ZNF99: variants seen among roughly 807,000 people sequenced by gnomAD.
ZNF99 encodes zinc finger protein ENSP00000375192.
Under a neutral mutation model 12.8 loss-of-function variants are expected in ZNF99, and 8 were observed. That is an observed-to-expected ratio of 0.62 (90% CI 0.37 to 1.13). The LOEUF (loss-of-function observed/expected upper bound fraction) is 1.13. Ranked by LOEUF, ZNF99 falls within the 50% of genes most tolerant of loss-of-function variation. The pLI, the probability that ZNF99 is intolerant of heterozygous loss-of-function variation, is 0.02. For missense variants in ZNF99, 1,007 were observed against 1,006.2 expected, an observed-to-expected ratio of 1.00 and a Z score of -0.01; for synonymous variants, 318 against 319.0, an observed-to-expected ratio of 1.00 and a Z score of 0.03.
At position 22,757,564 on chromosome 19, in the gene ZNF99, ATTATC is replaced by A. The variant is rs764420064; in HGVS notation, c.2340_2344del (p.Lys780AsnfsTer9). 95 of 1,610,882 alleles carry A rather than the reference ATTATC, an allele frequency of 5.9e-5. No individual in the cohort carries two copies. Among genetic ancestry groups the A allele is most frequent in the Non-Finnish European group, 7.3e-5 (86 of 1,179,602 alleles). On this transcript the variant is annotated frameshift_variant, in exon 4 of 4. Transcript: ENST00000596209. LOFTEE classifies it low-confidence loss of function (END_TRUNC). The stretch of plus-strand genomic sequence containing the variant: ...TTTATAGGGTTTCTTTCCAGTATGA[ATTATC>A]TTATGTTTTCTAAGGGCTGAGAAAT...
intron 3 of ZNF99, among the ~76,000 whole-genome samples, chr19:22,761,879 C>T (rs976784165): frequency 1.3e-5 from 2 of 152,100 alleles, no homozygotes; most frequent in African/African-American, 4.8e-5. Context: ...AAACCTGCTC[C>T]TGAATAATCA....
Position 22,756,137 on chromosome 19 carries a change from G to A in ZNF99, c.*1177C>T. The A allele has an allele frequency of 6.7e-7, 1 of 1,498,400 alleles. No homozygotes were observed. Among genetic ancestry groups the A allele is most frequent in the Non-Finnish European group, 9.0e-7 (1 of 1,111,568 alleles). 92.8% of individuals were successfully genotyped at this position (1,498,400 alleles called of 1,614,324 possible). On this transcript the variant is annotated 3_prime_UTR_variant, in exon 4 of 4. Coordinates refer to ENST00000596209, the MANE Select transcript of ZNF99 (RefSeq NM_001080409.3). The stretch of plus-strand genomic sequence containing the variant: ...TTCACATATGGAGGGTCTGTCTCTA[G>A]TATAAATTATCTTATGTGTATTAAG...
Position 22,759,439 on chromosome 19 carries a change from T to C in ZNF99, c.470A>G (p.Tyr157Cys), listed in dbSNP as rs759533071. The C allele has an allele frequency of 1.9e-6, 3 of 1,594,106 alleles. No homozygotes were observed. Among genetic ancestry groups the C allele is most frequent in the African/African-American group, 2.7e-5 (2 of 74,224 alleles). The change falls in exon 4 of 4, where the codon TAT becomes TGT. Residue 157 changes from tyrosine (Y) to cysteine (C), a missense_variant. Coordinates refer to ENST00000596209, the MANE Select transcript of ZNF99 (RefSeq NM_001080409.3). ...AATCTTATATCTATTTGAATTTGAATATTTATGAAAGACTTTCACATATTT... is the reference window on the plus strand; with the variant it reads ...AATCTTATATCTATTTGAATTTGAACATTTATGAAAGACTTTCACATATTT... ...CNKYVKVFHKYSNSNRYKIRH... is the reference protein window; with the variant it reads ...CNKYVKVFHKCSNSNRYKIRH...
At chr19:22,767,004 A>G (rs1321501803) in intron 3 of ZNF99, among the ~76,000 whole-genome samples, 3 of 151,864 alleles carry the variant, frequency 2.0e-5, no homozygotes, top group Non-Finnish European at 2.9e-5. Flanking sequence ...TACTTAATAA[A>G]AAGAAATGTA....
chr19:22,755,197 T>C lies in ZNF99; in HGVS notation c.*2117A>G. 3.6e-6 allele frequency: 1 copy of C among 276,852 alleles called. No homozygotes were observed. Among genetic ancestry groups the C allele is most frequent in the Non-Finnish European group, 7.3e-6 (1 of 137,364 alleles). 17.1% of individuals were successfully genotyped at this position (276,852 alleles called of 1,614,324 possible). A position where few individuals can be genotyped will look rare whatever the true frequency, so the allele number is the denominator to read the frequency against. ...CTGGCTAAAAGCATTGCCACTTTCT[T>C]CACATTTGTAGGGTTTTTCTCCAGT... On this transcript the variant is annotated 3_prime_UTR_variant, in exon 4 of 4. Coordinates refer to ENST00000596209, the MANE Select transcript of ZNF99 (RefSeq NM_001080409.3).
intron 1 of ZNF99, among the ~76,000 whole-genome samples, chr19:22,781,403 CTTTTTTTTTT>C (rs35970718): frequency 2.3e-5 from 2 of 87,946 alleles, no homozygotes; most frequent in Admixed American, 1.3e-4. Flanking sequence ...ATTGGGGTCA[CTTTTTTTTTT>C]TTTTTTTTTT....
At chr19:22,782,702 C>T (rs1394562166) in intron 1 of ZNF99, among the ~76,000 whole-genome samples, 3 of 126,098 alleles carry the variant, frequency 2.4e-5, no homozygotes, top group African/African-American at 9.3e-5. Flanking sequence ...GAGGGAGTCT[C>T]CCTCTCTTGC....
intron 3 of ZNF99, among the ~76,000 whole-genome samples, chr19:22,766,400 C>T (rs1180296836): frequency 6.7e-6 from 1 of 149,858 alleles, no homozygotes; most frequent in African/African-American, 2.5e-5. Flanking sequence ...AGTGCGGTGG[C>T]ACGATCTCAG....
intron 3 of ZNF99, among the ~76,000 whole-genome samples, chr19:22,760,722 C>T (rs778695333): frequency 7.9e-5 from 12 of 151,490 alleles, no homozygotes; most frequent in East Asian, 1.9e-4. Flanking sequence ...CCAGCCTGGG[C>T]GACAGAGAGA....
intron 1 of ZNF99, chr19:22,770,647 G>A (rs933518400): frequency 1.3e-5 from 2 of 150,902 alleles, no homozygotes; most frequent in African/African-American, 2.4e-5. Flanking sequence ...AAGCCACCGC[G>A]CACAGCTCAG....
At chr19:22,779,322 G>A (rs371463520) in intron 1 of ZNF99, among the ~76,000 whole-genome samples, 5 of 152,018 alleles carry the variant, frequency 3.3e-5, no homozygotes, top group East Asian at 1.9e-4. Flanking sequence ...TCAGGAGTTC[G>A]AGACCAGCTT....
In ZNF99 at chr19:22,752,432, G is replaced by A. The variant is rs1176764298; in HGVS notation, c.*4882C>T. 16 of 150,940 alleles carry A rather than the reference G, an allele frequency of 1.1e-4. No homozygotes were observed. 9.4% of individuals were successfully genotyped at this position (150,940 alleles called of 1,614,324 possible). A position where few individuals can be genotyped will look rare whatever the true frequency, so the allele number is the denominator to read the frequency against. ...TGGCAGAAATATATCTACACACTAT[G>A]TACCCATAAAAGTTAAGAAAAATAA... On this transcript the variant is annotated 3_prime_UTR_variant, in exon 4 of 4. Transcript: ENST00000596209.
At chr19:22,768,574 T>G (rs1309068700) in intron 2 of ZNF99, among the ~76,000 whole-genome samples, 174 bp from the exon 3 acceptor site, 2 of 152,184 alleles carry the variant, frequency 1.3e-5, no homozygotes, top group Non-Finnish European at 2.9e-5. Context: ...TTAATTTTAC[T>G]ACCTGGTACT....
Position 22,753,522 on chromosome 19 carries a change from T to C in ZNF99, c.*3792A>G, listed in dbSNP as rs991389821. 32 of 152,290 alleles carry C rather than the reference T, an allele frequency of 2.1e-4. No individual in the cohort carries two copies. Among genetic ancestry groups the C allele is most frequent in the African/African-American group, 7.2e-4 (30 of 41,576 alleles). 9.4% of individuals were successfully genotyped at this position (152,290 alleles called of 1,614,324 possible). A position where few individuals can be genotyped will look rare whatever the true frequency, so the allele number is the denominator to read the frequency against. ...TTTCTCTATTATACATTCCCTGATA[T>C]TGAACAAAGTTTGAGCAACTTTAGG... On this transcript the variant is annotated 3_prime_UTR_variant, in exon 4 of 4. Coordinates refer to ENST00000596209, the MANE Select transcript of ZNF99 (RefSeq NM_001080409.3).
chr19:22,783,092 C>A (rs980572916), intron 1 of ZNF99, among the ~76,000 whole-genome samples: 1 of 151,956 alleles, frequency 6.6e-6, no homozygotes, highest in Non-Finnish European at 1.5e-5. Flanking sequence ...CCAGCCTGAC[C>A]AAAACGGAGA....
chr19:22,772,339 AG>A (rs1334826238), intron 1 of ZNF99, among the ~76,000 whole-genome samples: 7 of 152,184 alleles, frequency 4.6e-5, no homozygotes, highest in Non-Finnish European at 1.0e-4. Flanking sequence ...ATTAATATAT[AG>A]CTACTTGTGG....
At position 22,758,593 on chromosome 19, in the gene ZNF99, G is replaced by C. The variant is rs530998365; in HGVS notation, c.1316C>G (p.Ala439Gly). 6.2e-7 allele frequency: 1 copy of C among 1,612,588 alleles called. No individual in the cohort carries two copies. Among genetic ancestry groups the C allele is most frequent in the African/African-American group, 1.3e-5 (1 of 74,674 alleles). ...ECGKAFKRFS[A>G]LRKHKIIHTG... is the part of the protein sequence containing the mutation. The stretch of plus-strand genomic sequence containing the variant: ...ATGAATTATCTTATGTTTTCTAAGG[G>C]CTGAGAAACGCTTAAAAGCTTTGCC... The change falls in exon 4 of 4, where the codon GCC (alanine) becomes GGC (glycine). Residue 439 changes from alanine (A) to glycine (G), a missense_variant. Transcript: ENST00000596209.
chr19:22,752,993 G>T lies in ZNF99; in HGVS notation c.*4321C>A, dbSNP rs1972990465. The T allele has an allele frequency of 6.6e-6, 1 of 151,930 alleles. No individual in the cohort carries two copies. The highest frequency in any genetic ancestry group is 2.1e-4 in the South Asian group (1 of 4,814). 9.4% of individuals were successfully genotyped at this position (151,930 alleles called of 1,614,324 possible). ...ATATCCTTTCTCTTTTATGAAAAAG[G>T]TCATAAATAATGCCCATCTAATAAA... On this transcript the variant is annotated 3_prime_UTR_variant, in exon 4 of 4. Transcript: ENST00000596209.
At chr19:22,783,764 A>C (rs73030819) in intron 1 of ZNF99, among the ~76,000 whole-genome samples, 13,015 of 152,194 alleles carry the variant, frequency 0.086, 574 homozygotes, top group Middle Eastern at 0.11. Context: ...GCTGCGGGTG[A>C]AGAGCGGCCC....
Sources: allele counts gnomAD v4.1 joint callset (sites outside exome capture counted in the v4.1 genomes callset), GRCh38; gene constraint gnomAD v4.1.1; transcripts MANE v1.5; gene names NCBI Gene and HGNC (gene_info 2026-07-23, HGNC 2026-07-21).